The following AFF2 variants were observed in gnomAD, a reference collection of about 807,000 sequenced individuals.
AFF2 encodes AF4/FMR2 family member 2.
Under a neutral mutation model 76.9 loss-of-function variants are expected in AFF2, and 14 were observed. The ratio of observed to expected loss-of-function variants is 0.18; its 90% confidence interval spans 0.12 to 0.28. AFF2 has a LOEUF of 0.28. AFF2 is among the 10% of genes least tolerant of loss of function. The probability of loss-of-function intolerance (pLI) is 1.00; values close to 1 mark genes in which losing one functional copy is unlikely to be tolerated. For missense variants in AFF2, 868 were observed against 1,001.1 expected, an observed-to-expected ratio of 0.87 and a Z score of 1.79; for synonymous variants, 398 against 366.7, an observed-to-expected ratio of 1.09 and a Z score of -0.98.
intron 1 of AFF2, among the ~76,000 whole-genome samples, chrX:148,608,683 T>TA (rs1224721559): frequency 1.3e-3 from 128 of 101,309 alleles, no homozygotes; most frequent in Middle Eastern, 4.9e-3. Context: ...GCCAGCTAGT[T>TA]AAAAAAAAAA....
intron 7 of AFF2, among the ~76,000 whole-genome samples, chrX:148,874,811 G>T (rs1557277702): frequency 9.0e-6 from 1 of 111,541 alleles, no homozygotes; most frequent in Admixed American, 9.6e-5. Flanking sequence ...GTTCAGCAGG[G>T]TCACAGGAAT....
At chrX:148,838,859 A>G (rs1477488700) in intron 5 of AFF2, among the ~76,000 whole-genome samples, 1 of 112,254 alleles carries the variant, frequency 8.9e-6, no homozygotes, top group Admixed American at 9.4e-5. Context: ...ACACTGATCT[A>G]AACTTTGCTT....
chrX:148,798,192 G>A (rs899623730), intron 3 of AFF2, among the ~76,000 whole-genome samples: 1 of 111,370 alleles, frequency 9.0e-6, no homozygotes, highest in Non-Finnish European at 1.9e-5. Flanking sequence ...GACAGAGAGA[G>A]AAGCAGAAAC....
intron 9 of AFF2, among the ~76,000 whole-genome samples, chrX:148,947,538 A>G (rs781819821): frequency 4.5e-5 from 5 of 111,823 alleles, no homozygotes; most frequent in African/African-American, 6.5e-5. Flanking sequence ...TGTTGCAGAA[A>G]TGGGCTAAGT....
intron 3 of AFF2, among the ~76,000 whole-genome samples, chrX:148,808,574 G>A: frequency 8.9e-6 from 1 of 111,981 alleles, no homozygotes; most frequent in East Asian, 2.8e-4. Flanking sequence ...GAGGGAAAGG[G>A]AATACTATCA....
intron 7 of AFF2, among the ~76,000 whole-genome samples, chrX:148,852,725 C>A (rs1557275513): frequency 9.0e-6 from 1 of 111,556 alleles, no homozygotes; most frequent in African/African-American, 3.3e-5. Flanking sequence ...ACAGCAACCT[C>A]GTGAGATAGA....
chrX:148,682,078 A>T (rs1339467377), intron 3 of AFF2, among the ~76,000 whole-genome samples: 1 of 111,946 alleles, frequency 8.9e-6, no homozygotes, highest in Non-Finnish European at 1.9e-5. Flanking sequence ...AAGGGTAGTG[A>T]TGGGTGGTTA....
intron 3 of AFF2, among the ~76,000 whole-genome samples, chrX:148,780,301 T>C (rs1263775063): frequency 1.8e-5 from 2 of 111,903 alleles, no homozygotes; most frequent in African/African-American, 6.5e-5. Flanking sequence ...CCTGTCTTTG[T>C]AGGTTGGGGA....
chrX:148,647,651 A>G (rs2054157279), intron 1 of AFF2, among the ~76,000 whole-genome samples: 1 of 111,850 alleles, frequency 8.9e-6, no homozygotes, highest in Non-Finnish European at 1.9e-5. Context: ...TGTGAAACTC[A>G]TCTTCATTCT....
At chrX:148,737,092 G>C (rs782353098) in intron 3 of AFF2, among the ~76,000 whole-genome samples, 3 of 111,309 alleles carry the variant, frequency 2.7e-5, no homozygotes, top group African/African-American at 9.8e-5. Flanking sequence ...TGCGTTGGCT[G>C]TGCAGGCTCC....
intron 1 of AFF2, among the ~76,000 whole-genome samples, chrX:148,507,659 A>G (rs782574589): frequency 7.7e-4 from 86 of 112,150 alleles, no homozygotes; most frequent in Non-Finnish European, 9.0e-4. Flanking sequence ...GGTTCTTCTA[A>G]TGTAAAACTT....
At chrX:148,714,597 T>C (rs73638180) in intron 3 of AFF2, among the ~76,000 whole-genome samples, 195 of 111,659 alleles carry the variant, frequency 1.7e-3, no homozygotes, top group African/African-American at 6.0e-3. Context: ...CTGTGTTTTG[T>C]GGAAGTCGTG....
At chrX:148,875,480 T>A (rs2071025792) in intron 7 of AFF2, among the ~76,000 whole-genome samples, 1 of 111,814 alleles carries the variant, frequency 8.9e-6, no homozygotes, top group Non-Finnish European at 1.9e-5. Flanking sequence ...GAACAAATGG[T>A]GTCATTGGAT....
At chrX:148,714,041 C>G (rs2054999968) in intron 3 of AFF2, among the ~76,000 whole-genome samples, 1 of 111,745 alleles carries the variant, frequency 8.9e-6, no homozygotes, top group Non-Finnish European at 1.9e-5. Context: ...GGTAATAGTG[C>G]AGCTAAAATA....
At chrX:148,601,616 T>C (rs1368152483) in intron 1 of AFF2, among the ~76,000 whole-genome samples, 1 of 111,640 alleles carries the variant, frequency 9.0e-6, no homozygotes, top group Non-Finnish European at 1.9e-5. Context: ...GGCATATCTT[T>C]TTTTTCTCCC....
intron 3 of AFF2, among the ~76,000 whole-genome samples, chrX:148,668,391 G>A (rs1557258718): frequency 8.9e-6 from 1 of 112,671 alleles, no homozygotes; most frequent in African/African-American, 3.2e-5. Flanking sequence ...TCCACTAGGT[G>A]GTGCCCCAAC....
At chrX:148,881,257 A>G (rs2071092118) in intron 7 of AFF2, among the ~76,000 whole-genome samples, 1 of 111,750 alleles carries the variant, frequency 8.9e-6, no homozygotes, top group African/African-American at 3.3e-5. Context: ...ATCAACTAGG[A>G]GCCTATTATG....
intron 1 of AFF2, among the ~76,000 whole-genome samples, chrX:148,634,135 G>A (rs911252649): frequency 3.6e-5 from 4 of 111,445 alleles, no homozygotes; most frequent in African/African-American, 6.5e-5. Flanking sequence ...TTGTTTTCAC[G>A]CTCAATTTTC....
intron 1 of AFF2, among the ~76,000 whole-genome samples, chrX:148,536,337 C>A (rs781883345): frequency 2.7e-5 from 3 of 111,721 alleles, no homozygotes; most frequent in African/African-American, 9.8e-5. Context: ...GTGGGTCCTG[C>A]AAGATTGGGA....
Sources: gnomAD v4.1 joint callset for allele counts (sites outside exome capture counted in the v4.1 genomes callset) on GRCh38, gnomAD v4.1.1 for gene constraint, MANE v1.5 for transcripts, NCBI Gene and HGNC (gene_info 2026-07-23, HGNC 2026-07-21) for gene names.